The following CSMD1 variants were observed in gnomAD, a reference collection of about 807,000 sequenced individuals.
CSMD1 encodes CUB and sushi domain-containing protein 1.
In CSMD1, 213 loss-of-function variants were observed where a neutral mutation model predicts 417.5. That is an observed-to-expected ratio of 0.51 (90% CI 0.46 to 0.57). The LOEUF (loss-of-function observed/expected upper bound fraction) is 0.57, where lower values mean the gene tolerates loss of function less well. CSMD1 is among the 20% of genes least tolerant of loss of function. The pLI, the probability that CSMD1 is intolerant of heterozygous loss-of-function variation, is 0.00. For synonymous variants in CSMD1, 2,862 were observed against 1,736.8 expected, an observed-to-expected ratio of 1.65 and a Z score of -16.11; for missense variants, 6,923 against 4,529.7, an observed-to-expected ratio of 1.53 and a Z score of -15.17.
intron 49 of CSMD1, among the ~76,000 whole-genome samples, chr8:3,070,102 G>A (rs1249944312): frequency 1.3e-5 from 2 of 152,202 alleles, no homozygotes; most frequent in Non-Finnish European, 2.9e-5. Context: ...CAGGGCCGTA[G>A]GGCCCTGGGC....
intron 8 of CSMD1, among the ~76,000 whole-genome samples, chr8:3,612,749 A>G (rs1563199336): frequency 6.6e-6 from 1 of 152,134 alleles, no homozygotes; most frequent in Non-Finnish European, 1.5e-5. Context: ...AACACAGCAT[A>G]TCAAAATTGA....
At chr8:4,296,208 G>C (rs979207990) in intron 3 of CSMD1, among the ~76,000 whole-genome samples, 1 of 152,054 alleles carries the variant, frequency 6.6e-6, no homozygotes. Context: ...CTCATCTCCA[G>C]CTGGGTCCAG....
At chr8:3,427,440 C>G (rs977112693) in intron 12 of CSMD1, among the ~76,000 whole-genome samples, 1 of 152,104 alleles carries the variant, frequency 6.6e-6, no homozygotes, top group Non-Finnish European at 1.5e-5. Flanking sequence ...AATGATTCCA[C>G]AATTCCTATA....
chr8:4,087,502 A>G (rs1800481167), intron 3 of CSMD1, among the ~76,000 whole-genome samples: 1 of 152,132 alleles, frequency 6.6e-6, no homozygotes, highest in South Asian at 2.1e-4. Context: ...GAAACCTATT[A>G]TTTTTATCCT....
At chr8:3,888,218 C>A (rs1806696593) in intron 5 of CSMD1, among the ~76,000 whole-genome samples, 1 of 152,112 alleles carries the variant, frequency 6.6e-6, no homozygotes, top group Non-Finnish European at 1.5e-5. Flanking sequence ...AAAACCTAGA[C>A]ATAAAGTTAG....
At chr8:3,390,410 T>C (rs1038073912) in intron 17 of CSMD1, among the ~76,000 whole-genome samples, 1 of 138,012 alleles carries the variant, frequency 7.2e-6, no homozygotes, top group Non-Finnish European at 1.6e-5. Flanking sequence ...TTATCTCCAA[T>C]GGAACAATAC....
Position 2,938,661 on chromosome 8 carries a change from T to C in CSMD1, c.10619A>G (p.Asp3540Gly). 6.2e-7 allele frequency: 1 copy of C among 1,611,826 alleles called. No individual in the cohort carries two copies. Among genetic ancestry groups the C allele is most frequent in the East Asian group, 2.2e-5 (1 of 44,812 alleles). ...GGCTTCTGTGGGTTTTAAGTTTGTATCATACATGGGGTTTTCAAACGATGC... is the reference window on the plus strand; with the variant it reads ...GGCTTCTGTGGGTTTTAAGTTTGTACCATACATGGGGTTTTCAAACGATGC... Reference protein sequence around the residue: ...GQASFENPMYDTNLKPTEAKA... With the variant: ...GQASFENPMYGTNLKPTEAKA... Residue 3540 changes from aspartate to glycine, a missense_variant, in exon 70 of 70, where the codon GAT (aspartate) becomes GGT (glycine). Physicochemically the swap from Asp to Gly is moderately conservative, Grantham distance 94 (BLOSUM62 -1). Coordinates refer to ENST00000635120, the MANE Select transcript of CSMD1 (RefSeq NM_033225.6).
intron 49 of CSMD1, among the ~76,000 whole-genome samples, chr8:3,074,344 G>C (rs913229190): frequency 1.3e-5 from 2 of 152,182 alleles, no homozygotes; most frequent in Non-Finnish European, 2.9e-5. Context: ...CCTGAAGTGT[G>C]TCTGTGCCAA....
chr8:3,578,174 T>C (rs183571035), intron 9 of CSMD1, among the ~76,000 whole-genome samples: 1 of 152,182 alleles, frequency 6.6e-6, no homozygotes, highest in Non-Finnish European at 1.5e-5. Context: ...TAATTTCTCA[T>C]GTCTACCATA....
intron 5 of CSMD1, among the ~76,000 whole-genome samples, chr8:3,966,536 T>A (rs984754709): frequency 6.6e-6 from 1 of 152,190 alleles, no homozygotes; most frequent in Non-Finnish European, 1.5e-5. Flanking sequence ...TGTATTCTTT[T>A]GTTTCAGGTT....
In CSMD1 at chr8:3,974,100, A is replaced by G. The variant is rs150124365; in HGVS notation, c.818+23803T>C. 4.2e-3 allele frequency among the ~76,000 whole-genome samples: 634 copies of G among 152,148 alleles called. 7 individuals carry two copies. Among genetic ancestry groups the G allele is most frequent in the African/African-American group, 0.015 (608 of 41,536 alleles). ...ATGGTAGGTCTTATTTATTATTTCT[A>G]ATTACTTTTTGTACCCACATAATAG... is the stretch of plus-strand genomic sequence containing the variant. On this transcript the variant is annotated intron_variant, in intron 5 of 69. Transcript: ENST00000635120.
At chr8:4,157,217 C>G (rs1428769373) in intron 3 of CSMD1, among the ~76,000 whole-genome samples, 1 of 152,148 alleles carries the variant, frequency 6.6e-6, no homozygotes, top group African/African-American at 2.4e-5. Context: ...TCAGTGTCCA[C>G]AGAAGGAGTT....
At chr8:3,520,676 T>C (rs954291912) in intron 10 of CSMD1, among the ~76,000 whole-genome samples, 2 of 152,050 alleles carry the variant, frequency 1.3e-5, no homozygotes, top group Non-Finnish European at 2.9e-5. Flanking sequence ...TTTATTTGTT[T>C]CTTTAAGTCT....
At chr8:4,080,017 C>A (rs1421211935) in intron 3 of CSMD1, among the ~76,000 whole-genome samples, 1 of 133,512 alleles carries the variant, frequency 7.5e-6, no homozygotes, top group Non-Finnish European at 1.6e-5. Context: ...TTTTTTTTTT[C>A]TAGATATCAA....
intron 25 of CSMD1, among the ~76,000 whole-genome samples, chr8:3,301,412 C>T (rs191975345): frequency 4.6e-5 from 7 of 152,156 alleles, no homozygotes; most frequent in East Asian, 3.9e-4. Flanking sequence ...GAGGTCTTGA[C>T]ATGTGGATAT....
chr8:4,074,799 G>A (rs372755045), intron 3 of CSMD1, among the ~76,000 whole-genome samples: 5 of 151,900 alleles, frequency 3.3e-5, no homozygotes, highest in Non-Finnish European at 5.9e-5. Flanking sequence ...TATGACTGTG[G>A]TACATAATCA....
chr8:4,060,657 G>A (rs1023189348), intron 3 of CSMD1, among the ~76,000 whole-genome samples: 7 of 152,068 alleles, frequency 4.6e-5, no homozygotes, highest in African/African-American at 1.4e-4. Context: ...AAGGAGAAGC[G>A]GCACCTGGCA....
intron 3 of CSMD1, among the ~76,000 whole-genome samples, chr8:4,370,963 A>G (rs1008341431): frequency 1.1e-4 from 16 of 152,136 alleles, no homozygotes; most frequent in African/African-American, 3.9e-4. Flanking sequence ...ATTGCTGGCG[A>G]GCTAGTGTGA....
chr8:4,226,876 G>A (rs781034872), intron 3 of CSMD1, among the ~76,000 whole-genome samples: 2 of 152,302 alleles, frequency 1.3e-5, no homozygotes, highest in African/African-American at 2.4e-5. Flanking sequence ...TTGGGAATAA[G>A]AAATACATAT....
Sources: gnomAD v4.1 joint callset for allele counts (sites outside exome capture counted in the v4.1 genomes callset) on GRCh38, gnomAD v4.1.1 for gene constraint, MANE v1.5 for transcripts, NCBI Gene and HGNC (gene_info 2026-07-23, HGNC 2026-07-21) for gene names.